NCAPG: variants seen among roughly 807,000 people sequenced by gnomAD.
The protein encoded by NCAPG is condensin complex subunit 3.
A neutral mutation model predicts 113.1 loss-of-function variants in NCAPG; 69 were observed. The ratio of observed to expected loss-of-function variants is 0.61; its 90% CI spans 0.50 to 0.75. NCAPG has a LOEUF of 0.75. Among genes scored for constraint, NCAPG ranks in the 30% least tolerant of loss-of-function variants. The pLI is 0.00. For synonymous variants in NCAPG, 370 were observed against 415.8 expected, an observed-to-expected ratio of 0.89 and a Z score of 1.34; for missense variants, 1,058 against 1,177.0, an observed-to-expected ratio of 0.90 and a Z score of 1.48.
chr4:17,840,317 G>A (rs1722303010), intron 18 of NCAPG, 108 bp downstream of exon 18: 1 of 1,213,886 alleles, frequency 8.2e-7, no homozygotes, highest in Non-Finnish European at 1.1e-6. Flanking sequence ...CATCAGAAAT[G>A]AATGAAATTT....
chr4:17,815,393 G>A (rs1350204563), intron 5 of NCAPG, 35 bp downstream of exon 5: 1 of 1,500,246 alleles, frequency 6.7e-7, no homozygotes, highest in Non-Finnish European at 9.0e-7. Flanking sequence ...CAAAACTTTA[G>A]TAGATTTTGA....
At chr4:17,840,007 G>A in intron 17 of NCAPG, 64 bp from the exon 18 acceptor site, 2 of 1,535,180 alleles carry the variant, frequency 1.3e-6, no homozygotes, top group Non-Finnish European at 1.7e-6. Flanking sequence ...ATATGTATTG[G>A]TACTATTTTC....
intron 16 of NCAPG, among the ~76,000 whole-genome samples, chr4:17,838,357 T>TTATTTGA (rs1174181233): frequency 6.6e-6 from 1 of 152,218 alleles, no homozygotes; most frequent in Admixed American, 6.5e-5. Context: ...TTACTCTATT[T>TTATTTGA]TATTTGATAT....
chr4:17,843,786 TTAGA>T lies in NCAPG; in HGVS notation c.*363_*366del, dbSNP rs1396648669. The T allele has an allele frequency of 6.3e-6, 1 of 159,278 alleles. No individual in the cohort carries two copies. The highest frequency in any genetic ancestry group is 1.4e-5 in the Non-Finnish European group (1 of 71,980). The allele number at this position is 159,278 out of a possible 1,614,324, so 9.9% of individuals were successfully genotyped here. ...AGCTTGCATTTGAGAAGCTTATGACTTAGATGGGCAGAATCAACAAAGATGAAAC... is the reference window on the plus strand; with the variant it reads ...AGCTTGCATTTGAGAAGCTTATGACTTGGGCAGAATCAACAAAGATGAAAC... On this transcript the variant is annotated 3_prime_UTR_variant, in exon 21 of 21. Coordinates refer to ENST00000251496, the MANE Select transcript of NCAPG (RefSeq NM_022346.5).
In NCAPG at chr4:17,843,577, CA is replaced by C. The variant is rs1385663695; in HGVS notation, c.*153del. 4.2e-6 allele frequency: 3 copies of C among 716,974 alleles called. No individual in the cohort carries two copies. Among genetic ancestry groups the C allele is most frequent in the Admixed American group, 5.8e-5 (2 of 34,364 alleles). 44.4% of individuals were successfully genotyped at this position (716,974 alleles called of 1,614,324 possible). A position where few individuals can be genotyped will look rare whatever the true frequency, so the allele number is the denominator to read the frequency against. On this transcript the variant is annotated 3_prime_UTR_variant, in exon 21 of 21. Transcript: ENST00000251496. Reference sequence around the variant, plus strand: ...CACGTTACTTTGGCCTGTATTAAAGCAGTAGAGCAGCATCAGTTATTATAGT... The same window carrying C: ...CACGTTACTTTGGCCTGTATTAAAGCGTAGAGCAGCATCAGTTATTATAGT...
At chr4:17,817,224 G>A in intron 5 of NCAPG, 37 bp from the exon 6 acceptor site, 1 of 1,468,232 alleles carries the variant, frequency 6.8e-7, no homozygotes, top group Non-Finnish European at 9.4e-7. Flanking sequence ...AAGCTAGAGG[G>A]AGCCTTTGTT....
At chr4:17,828,573 G>C (rs766198184) in intron 12 of NCAPG, among the ~76,000 whole-genome samples, 185 bp downstream of exon 12, 3 of 151,980 alleles carry the variant, frequency 2.0e-5, no homozygotes, top group African/African-American at 7.2e-5. Context: ...TGTCTGTAAA[G>C]GACCTGATAT....
intron 14 of NCAPG, among the ~76,000 whole-genome samples, chr4:17,836,935 C>T (rs1722122335): frequency 6.6e-6 from 1 of 152,108 alleles, no homozygotes; most frequent in Non-Finnish European, 1.5e-5. Context: ...TTGAATTTTT[C>T]ATGGCTAGAC....
chr4:17,812,569 G>C (rs1341037327), intron 2 of NCAPG, 145 bp downstream of exon 2: 1 of 667,044 alleles, frequency 1.5e-6, no homozygotes, highest in Non-Finnish European at 2.6e-6. Context: ...GGAAATATTA[G>C]AATTATCATT....
Position 17,822,540 on chromosome 4 carries a change from C to A in NCAPG, c.1119-443C>A, listed in dbSNP as rs1035828353. On this transcript the variant is annotated intron_variant, in intron 7 of 20. Transcript: ENST00000251496. ...GGATTTTTGGGTAAGGGATTCAGAA[C>A]TTGATAGATGCTTCTTGACTTAAAG... Among the ~76,000 whole-genome samples, 5 of 152,000 alleles carry A rather than the reference C, an allele frequency of 3.3e-5. 1 individual carries two copies. The highest frequency in any genetic ancestry group is 2.0e-4 in the Admixed American group (3 of 15,254).
intron 11 of NCAPG, among the ~76,000 whole-genome samples, chr4:17,826,757 A>G (rs1349016559): frequency 6.6e-6 from 1 of 152,204 alleles, no homozygotes; most frequent in African/African-American, 2.4e-5. Context: ...TTTTATGGAG[A>G]GGTTTCTAGT....
At chr4:17,817,596 C>T (rs545719988) in intron 6 of NCAPG, 143 bp downstream of exon 6, 1 of 682,564 alleles carries the variant, frequency 1.5e-6, no homozygotes, top group South Asian at 2.1e-5. Context: ...GATGAATATC[C>T]TTTTATCCTT....
At chr4:17,830,205 A>C (rs1200742940) in intron 12 of NCAPG, among the ~76,000 whole-genome samples, 1 of 152,096 alleles carries the variant, frequency 6.6e-6, no homozygotes, top group African/African-American at 2.4e-5. Flanking sequence ...CAGCCTGGGC[A>C]ACATGGTGAA....
At chr4:17,836,310 G>GGTT (rs1194260067) in intron 14 of NCAPG, among the ~76,000 whole-genome samples, 1 of 152,022 alleles carries the variant, frequency 6.6e-6, no homozygotes, top group East Asian at 1.9e-4. Context: ...AAGTTGGGTT[G>GGTT]GTTGTCTTTA....
At position 17,842,330 on chromosome 4, in the gene NCAPG, T is replaced by A; in HGVS notation, c.2875T>A (p.Ser959Thr). ...TNRGQRKVTVSARTNRRCQTA... is the reference protein window; with the variant it reads ...TNRGQRKVTVTARTNRRCQTA... ...TCAAGGACAGAGAAAAGTGACAGTT[T>A]CAGCTAGGACGAACAGGAGGTGTCA... The change falls in exon 20 of 21, where the codon TCA (serine) becomes ACA (threonine). Residue 959 changes from serine (S) to threonine (T), a missense_variant. By Grantham distance (58) the Ser-to-Thr change is moderately conservative. Transcript: ENST00000251496. The A allele has an allele frequency of 2.5e-6, 4 of 1,612,150 alleles. No individual in the cohort carries two copies. The highest frequency in any genetic ancestry group is 3.4e-6 in the Non-Finnish European group (4 of 1,178,510).
Position 17,811,314 on chromosome 4 carries a change from C to A in NCAPG, c.111+126C>A. On this transcript the variant is annotated intron_variant, in intron 1 of 20. Transcript: ENST00000251496. The surrounding 1 kb of genome is among the most constrained non-coding windows in gnomAD (Gnocchi z 5.3). ...CCTTGTTCACCTTCGCGACTCACTTCATAGGGATCTGAGGTTCGGAGAAGT... is the reference window on the plus strand; with the variant it reads ...CCTTGTTCACCTTCGCGACTCACTTAATAGGGATCTGAGGTTCGGAGAAGT... The A allele has an allele frequency of 1.8e-6, 1 of 556,358 alleles. No individual in the cohort carries two copies. Among genetic ancestry groups the A allele is most frequent in the Non-Finnish European group, 3.0e-6 (1 of 328,084 alleles). 34.5% of individuals were successfully genotyped at this position (556,358 alleles called of 1,614,324 possible). A position where few individuals can be genotyped will look rare whatever the true frequency, so the allele number is the denominator to read the frequency against.
chr4:17,835,825 C>T (rs1722073828), intron 14 of NCAPG, among the ~76,000 whole-genome samples: 2 of 152,170 alleles, frequency 1.3e-5, no homozygotes, highest in African/African-American at 4.8e-5. Flanking sequence ...TAGCCGAATA[C>T]TCCATTTTAT....
Position 17,823,119 on chromosome 4 carries a change from G to A in NCAPG, c.1255G>A (p.Gly419Arg), listed in dbSNP as rs779840019. The change falls in exon 8 of 21, where the codon GGA becomes AGA. Residue 419 changes from glycine to arginine, a missense_variant. Transcript: ENST00000251496. ...IKSLDTSEEG[G>R]RKKLLAVLQE... ...GTCTTTGGATACCAGTGAAGAAGGA[G>A]GAAGGTATGTCTAAATGTTAACACT... 3.1e-6 allele frequency: 5 copies of A among 1,607,116 alleles called. No homozygotes were observed. In the East Asian group the frequency reaches 6.7e-5, roughly 22 times the overall value.
intron 13 of NCAPG, 124 bp from the exon 14 acceptor site, chr4:17,834,175 T>G (rs1721987818): frequency 1.8e-6 from 1 of 555,744 alleles, no homozygotes; most frequent in Non-Finnish European, 3.0e-6. Flanking sequence ...GATGTTTTCT[T>G]TAGACTAGAC....
Sources: allele counts gnomAD v4.1 joint callset (sites outside exome capture counted in the v4.1 genomes callset), GRCh38; gene constraint gnomAD v4.1.1; non-coding constraint Gnocchi (gnomAD v3.1); transcripts MANE v1.5; gene names NCBI Gene and HGNC (gene_info 2026-07-23, HGNC 2026-07-21).